Variants in DPYSL3 observed in about 807,000 individuals in gnomAD.
DPYSL3 encodes dihydropyrimidinase like 3.
Under a neutral mutation model 66.1 loss-of-function variants are expected in DPYSL3, and 16 were observed. That is an observed-to-expected ratio of 0.24 (90% CI 0.16 to 0.37). The LOEUF (loss-of-function observed/expected upper bound fraction) is 0.37. DPYSL3 is among the 10% of genes least tolerant of loss of function. The probability of loss-of-function intolerance (pLI) is 1.00; values close to 1 mark genes in which losing one functional copy is unlikely to be tolerated. For synonymous variants in DPYSL3, 338 were observed against 345.1 expected (o/e 0.98, Z 0.23); for missense variants, 738 against 916.2 (o/e 0.81, Z 2.51).
At chr5:147,394,873 TAA>T (rs1757924013) in intron 13 of DPYSL3, among the ~76,000 whole-genome samples, 1 of 152,238 alleles carries the variant, frequency 6.6e-6, no homozygotes, top group Admixed American at 6.5e-5. Flanking sequence ...ATTTTACCTT[TAA>T]ATGTCTTTCT....
intron 7 of DPYSL3, 101 bp from the exon 8 acceptor site, chr5:147,405,831 A>T: frequency 1.4e-6 from 2 of 1,467,932 alleles, no homozygotes; most frequent in South Asian, 2.9e-5. Context: ...CACAAAGGTT[A>T]TGGATAATTT....
At chr5:147,428,093 T>C (rs1246509419) in intron 1 of DPYSL3, among the ~76,000 whole-genome samples, 1 of 152,168 alleles carries the variant, frequency 6.6e-6, no homozygotes, top group African/African-American at 2.4e-5. Flanking sequence ...CCAAGTGGAA[T>C]TAACACCATT....
At chr5:147,483,582 C>G (rs1333786748) in intron 1 of DPYSL3, among the ~76,000 whole-genome samples, 1 of 152,092 alleles carries the variant, frequency 6.6e-6, no homozygotes, top group African/African-American at 2.4e-5. Context: ...TTTATTTATT[C>G]AAAAATTGGT....
chr5:147,396,444 C>T (rs182260132), intron 12 of DPYSL3, among the ~76,000 whole-genome samples: 5 of 152,242 alleles, frequency 3.3e-5, no homozygotes, highest in East Asian at 1.9e-4. Context: ...CCCATGGCAG[C>T]GGCACACAAC....
intron 1 of DPYSL3, among the ~76,000 whole-genome samples, chr5:147,489,060 CT>C (rs887419126): frequency 1.6e-4 from 24 of 151,870 alleles, no homozygotes; most frequent in African/African-American, 5.8e-4. Context: ...TCATTAGGCA[CT>C]TGGGGCACAT....
intron 1 of DPYSL3, among the ~76,000 whole-genome samples, chr5:147,484,778 T>C (rs1175945668): frequency 6.6e-6 from 1 of 152,206 alleles, no homozygotes; most frequent in Non-Finnish European, 1.5e-5. Flanking sequence ...CAACTGCATA[T>C]GATTTGACGT....
At chr5:147,419,460 A>C (rs1306171751) in intron 2 of DPYSL3, among the ~76,000 whole-genome samples, 1 of 152,226 alleles carries the variant, frequency 6.6e-6, no homozygotes, top group African/African-American at 2.4e-5. Flanking sequence ...ACTAGTCCCC[A>C]CACAATGCTG....
intron 1 of DPYSL3, among the ~76,000 whole-genome samples, chr5:147,465,124 G>A (rs1207287423): frequency 6.6e-6 from 1 of 152,164 alleles, no homozygotes; most frequent in Admixed American, 6.5e-5. Context: ...AGCCCAGGAG[G>A]TCAAGGCTGC....
intron 1 of DPYSL3, among the ~76,000 whole-genome samples, chr5:147,490,692 C>T (rs542152552): frequency 1.4e-4 from 21 of 152,196 alleles, no homozygotes; most frequent in African/African-American, 4.3e-4. Flanking sequence ...CCATTTCCCC[C>T]AAAACTGGGT....
chr5:147,445,155 T>C (rs940802710), intron 1 of DPYSL3, among the ~76,000 whole-genome samples: 2 of 152,142 alleles, frequency 1.3e-5, no homozygotes, highest in African/African-American at 4.8e-5. Flanking sequence ...GCAATAAGTA[T>C]CCAGGTAGGC....
intron 1 of DPYSL3, among the ~76,000 whole-genome samples, chr5:147,449,960 GAC>G (rs1752695370): frequency 6.6e-6 from 1 of 152,152 alleles, no homozygotes; most frequent in Non-Finnish European, 1.5e-5. Flanking sequence ...GGGATTTGTT[GAC>G]AGTGACAAGA....
chr5:147,415,572 G>A, intron 4 of DPYSL3, 137 bp downstream of exon 4: 6 of 1,030,916 alleles, frequency 5.8e-6, no homozygotes, highest in Non-Finnish European at 8.6e-6. Flanking sequence ...GGAACATTGT[G>A]TTATCCCTAC....
chr5:147,434,495 C>T (rs1581192494), intron 1 of DPYSL3, among the ~76,000 whole-genome samples: 2 of 152,306 alleles, frequency 1.3e-5, no homozygotes, highest in East Asian at 3.9e-4. Context: ...CCTATTCCAT[C>T]AGGAAGAAGT....
intron 1 of DPYSL3, among the ~76,000 whole-genome samples, chr5:147,494,863 A>G (rs1753475773): frequency 6.9e-6 from 1 of 144,982 alleles, no homozygotes; most frequent in Non-Finnish European, 1.5e-5. Flanking sequence ...TGGGTGACAG[A>G]GCAAGACTCC....
chr5:147,447,819 C>T (rs555902368), intron 1 of DPYSL3, among the ~76,000 whole-genome samples: 1 of 152,306 alleles, frequency 6.6e-6, no homozygotes, highest in Non-Finnish European at 1.5e-5. Flanking sequence ...GCCTGGGCAA[C>T]AAGAGCAAAC....
chr5:147,456,801 T>A lies in DPYSL3; in HGVS notation c.382-31838A>T, dbSNP rs535912627. 2.0e-5 allele frequency among the ~76,000 whole-genome samples: 3 copies of A among 151,916 alleles called. No individual in the cohort carries two copies. The East Asian group carries it at 5.8e-4, about 30-fold the overall frequency. On this transcript the variant is annotated intron_variant, in intron 1 of 13. Coordinates refer to ENST00000343218, the MANE Select transcript of DPYSL3 (RefSeq NM_001197294.2). The stretch of plus-strand genomic sequence containing the variant: ...AGAGGGGGTTTCACCATGTTGGCCA[T>A]GCTGGTCTCGAACTCCTGACCTCAT...
chr5:147,418,455 G>A lies in DPYSL3; in HGVS notation c.647C>T (p.Thr216Ile). 6.2e-7 allele frequency: 1 copy of A among 1,606,902 alleles called. No individual in the cohort carries two copies. Among genetic ancestry groups the A allele is most frequent in the Non-Finnish European group, 8.5e-7 (1 of 1,175,810 alleles). The part of the protein sequence containing the change: ...GTKAALAGGT[T>I]MIIDHVVPEP... Reference sequence around the variant, plus strand: ...AAAATATGAAGACTTACTGATCATGGTGGTGCCACCTGCTAAGGCCGCCTT... The same window carrying A: ...AAAATATGAAGACTTACTGATCATGATGGTGCCACCTGCTAAGGCCGCCTT... Residue 216 changes from threonine to isoleucine, a missense_variant, in exon 3 of 14, where the codon ACC becomes ATC. Coordinates refer to ENST00000343218, the MANE Select transcript of DPYSL3 (RefSeq NM_001197294.2).
chr5:147,453,777 T>A, intron 1 of DPYSL3: 1 of 1,257,518 alleles, frequency 8.0e-7, no homozygotes, highest in Non-Finnish European at 1.0e-6. Context: ...ATAGTAAATC[T>A]CCCCGGTCCC....
At position 147,392,610 on chromosome 5, in the gene DPYSL3, A is replaced by G. The variant is rs1757844195; in HGVS notation, c.*1425T>C. The G allele has an allele frequency of 6.6e-6, 1 of 152,248 alleles. No individual in the cohort carries two copies. The highest frequency in any genetic ancestry group is 2.4e-5 in the African/African-American group (1 of 41,472). The allele number at this position is 152,248 out of a possible 1,614,324, so 9.4% of individuals were successfully genotyped here. On this transcript the variant is annotated 3_prime_UTR_variant, in exon 14 of 14. Transcript: ENST00000343218. The stretch of plus-strand genomic sequence containing the variant: ...TATCTTGCTCACAGGACTTGCTCCA[A>G]AACTGAATTTTCAGAAGCAGCATGA...
Sources: allele counts gnomAD v4.1 joint callset (sites outside exome capture counted in the v4.1 genomes callset), GRCh38; gene constraint gnomAD v4.1.1; transcripts MANE v1.5; gene names NCBI Gene and HGNC (gene_info 2026-07-23, HGNC 2026-07-21).